The following BNC1 variants were observed in gnomAD, a reference collection of about 807,000 sequenced individuals.
The protein encoded by BNC1 is zinc finger protein basonuclin-1.
Under a neutral mutation model 66.5 loss-of-function variants are expected in BNC1, and 8 were observed. That is an observed-to-expected ratio of 0.12 (90% CI 0.07 to 0.22). The LOEUF (loss-of-function observed/expected upper bound fraction) is 0.22. BNC1 is among the 10% of genes least tolerant of loss of function. BNC1 has a pLI of 1.00. For missense variants in BNC1, 1,069 were observed against 1,241.3 expected (o/e 0.86, Z 2.09); for synonymous variants, 454 against 452.6 (o/e 1.00, Z -0.04).
chr15:83,273,165 C>T (rs763229240), intron 1 of BNC1, among the ~76,000 whole-genome samples: 21 of 152,082 alleles, frequency 1.4e-4, no homozygotes, highest in Non-Finnish European at 2.4e-4. Flanking sequence ...TAATAAAGCT[C>T]ATTAAACATC....
rs182990305 is a variant in BNC1 at position 83,271,840 on chromosome 15, A to G, written c.100-3608T>C. ...TTGCATATACACATACAAATGTATT[A>G]AATACATGAACAGTATACATCTATG... On this transcript the variant is annotated intron_variant, in intron 1 of 4. Transcript: ENST00000345382. Among the ~76,000 whole-genome samples, 407 of 152,366 alleles carry G rather than the reference A, an allele frequency of 2.7e-3. 7 individuals are homozygous for G. Among genetic ancestry groups the G allele is most frequent in the Middle Eastern group, 0.017 (5 of 294 alleles).
Position 83,266,737 on chromosome 15 carries a change from C to T in BNC1, c.435+99G>A, listed in dbSNP as rs980323781. 77 of 1,084,336 alleles carry T rather than the reference C, an allele frequency of 7.1e-5. 1 individual carries two copies. The highest frequency in any genetic ancestry group is 6.4e-4 in the South Asian group (49 of 77,046). The allele number at this position is 1,084,336 out of a possible 1,614,324, so 67.2% of individuals were successfully genotyped here. The stretch of plus-strand genomic sequence containing the variant: ...GAAGTATTAAAGGGAAAGATGGCCA[C>T]CAAGGGCTGTAGCATTGGGAGGTAA... On this transcript the variant is annotated intron_variant, in intron 3 of 4. Coordinates refer to ENST00000345382, the MANE Select transcript of BNC1 (RefSeq NM_001717.4).
intron 1 of BNC1, among the ~76,000 whole-genome samples, chr15:83,271,512 C>CA (rs1160225239): frequency 2.0e-5 from 3 of 152,102 alleles, no homozygotes; most frequent in East Asian, 1.9e-4. Flanking sequence ...CAGTATAATA[C>CA]AAAAAACTCC....
At position 83,257,869 on chromosome 15, in the gene BNC1, C is replaced by T. The variant is rs2151433694; in HGVS notation, c.2558G>A (p.Gly853Asp). 2 of 1,613,976 alleles carry T rather than the reference C, an allele frequency of 1.2e-6. No individual in the cohort carries two copies. The highest frequency in any genetic ancestry group is 1.6e-4 in the Middle Eastern group (1 of 6,062). Residue 853 changes from glycine to aspartate, a missense_variant, in exon 5 of 5, where the codon GGC becomes GAC. Gly to Asp is a moderately conservative substitution (Grantham distance 94). This residue lies in a region of BNC1 where 657 missense variants were observed against 715.8 expected (regional missense o/e 0.92). Coordinates refer to ENST00000345382, the MANE Select transcript of BNC1 (RefSeq NM_001717.4). Reference sequence around the variant, plus strand: ...GGTAGTGCTCAAATCCAGGATGGTGCCCTCGCTCAAGGGGCCAGAGTTGTA... The same window carrying T: ...GGTAGTGCTCAAATCCAGGATGGTGTCCTCGCTCAAGGGGCCAGAGTTGTA... ...ESYNSGPLSE[G>D]TILDLSTTSS... is the part of the protein sequence containing the mutation.
chr15:83,275,862 GTCTGGATTTTA>G (rs942027802), intron 1 of BNC1, among the ~76,000 whole-genome samples: 4 of 151,740 alleles, frequency 2.6e-5, no homozygotes, highest in Admixed American at 6.6e-5. Flanking sequence ...AGGTGAAGGA[GTCTGGATTTTA>G]ACAGTAAGCC....
intron 1 of BNC1, 87 bp from the exon 2 acceptor site, chr15:83,268,319 T>C: frequency 8.2e-7 from 1 of 1,224,534 alleles, no homozygotes. Flanking sequence ...TATTCCTCCA[T>C]TCGGCAGCAC....
At chr15:83,268,271 G>C in intron 1 of BNC1, 39 bp from the exon 2 acceptor site, 1 of 1,516,948 alleles carries the variant, frequency 6.6e-7, no homozygotes, top group Non-Finnish European at 9.2e-7. Flanking sequence ...GAGCATGTAA[G>C]TGATGTGTGA....
intron 1 of BNC1, among the ~76,000 whole-genome samples, chr15:83,281,916 C>T (rs2038383406): frequency 6.6e-6 from 1 of 152,198 alleles, no homozygotes. Flanking sequence ...GCAGGCCTAA[C>T]TGCTACATGG....
chr15:83,258,736 A>C (rs1274147475), intron 4 of BNC1, among the ~76,000 whole-genome samples: 1 of 152,230 alleles, frequency 6.6e-6, no homozygotes, highest in African/African-American at 2.4e-5. Context: ...CTGGGGCTGC[A>C]CTGTCCAATG....
chr15:83,283,363 G>C, intron 1 of BNC1: 1 of 1,405,756 alleles, frequency 7.1e-7, no homozygotes, highest in African/African-American at 1.5e-5. Context: ...CGGCGGCTCC[G>C]GAGGAGCAGC....
Position 83,264,005 on chromosome 15 carries a change from G to C in BNC1, c.1246C>G (p.Pro416Ala). ...SANPNPRLHM[P>A]MNRNNRDKDL... is the part of the protein sequence containing the mutation. ...TTGTCCCGGTTATTTCTGTTCATTG[G>C]CATGTGCAGCCGAGGGTTGGGGTTG... Residue 416 changes from proline (P) to alanine (A), a missense_variant, in exon 4 of 5, where the codon CCA becomes GCA. By Grantham distance (27) the Pro-to-Ala change is conservative. Coordinates refer to ENST00000345382, the MANE Select transcript of BNC1 (RefSeq NM_001717.4). 6.2e-7 allele frequency: 1 copy of C among 1,614,166 alleles called. No homozygotes were observed. The highest frequency in any genetic ancestry group is 2.2e-5 in the East Asian group (1 of 44,870).
intron 1 of BNC1, among the ~76,000 whole-genome samples, chr15:83,275,846 TGG>T (rs2038316219): frequency 6.6e-6 from 1 of 151,622 alleles, no homozygotes; most frequent in African/African-American, 2.4e-5. Context: ...TAGGACCTTG[TGG>T]GGCAGGTGAA....
At chr15:83,281,690 T>C (rs1355584710) in intron 1 of BNC1, among the ~76,000 whole-genome samples, 1 of 152,240 alleles carries the variant, frequency 6.6e-6, no homozygotes, top group Non-Finnish European at 1.5e-5. Context: ...CCCCACTCCA[T>C]AAGCTGCAGT....
intron 1 of BNC1, among the ~76,000 whole-genome samples, chr15:83,279,440 A>C (rs777795112): frequency 5.9e-5 from 9 of 152,200 alleles, no homozygotes; most frequent in Admixed American, 1.3e-4. Flanking sequence ...TGGAGAAGTC[A>C]AGGTTGTACA....
chr15:83,266,303 T>G (rs543889914), intron 3 of BNC1, among the ~76,000 whole-genome samples: 150 of 151,068 alleles, frequency 9.9e-4, no homozygotes, highest in African/African-American at 3.4e-3. Context: ...CACACACATA[T>G]AGAGAGAGAG....
At chr15:83,283,141 A>G in intron 1 of BNC1, 3 of 1,535,558 alleles carry the variant, frequency 2.0e-6, no homozygotes, top group Non-Finnish European at 2.6e-6. Flanking sequence ...TAACTGTCAG[A>G]CTCGGAGCGG....
Position 83,263,894 on chromosome 15 carries a change from G to A in BNC1, c.1357C>T (p.Pro453Ser). ...FTVTSPDCRP[P>S]PSYPGSGEDS... is the part of the protein sequence containing the mutation. Reference sequence around the variant, plus strand: ...TCTCCTGAACCAGGGTAGCTGGGAGGAGGCCTACAGTCTGGGGACGTCACT... The same window carrying A: ...TCTCCTGAACCAGGGTAGCTGGGAGAAGGCCTACAGTCTGGGGACGTCACT... The change falls in exon 4 of 5, where the codon CCT (proline) becomes TCT (serine). Residue 453 changes from proline to serine, a missense_variant. Around this residue, in one of 7 missense-constraint regions of BNC1, gnomAD observed 657 missense variants for 715.8 expected, o/e 0.92. Transcript: ENST00000345382. The A allele has an allele frequency of 6.2e-7, 1 of 1,614,226 alleles. No homozygotes were observed. The highest frequency in any genetic ancestry group is 8.5e-7 in the Non-Finnish European group (1 of 1,180,050).
In BNC1 at chr15:83,263,564, A is replaced by G. The variant is rs778889257; in HGVS notation, c.1687T>C (p.Ser563Pro). ...IANEKRHNLS[S>P]DEDMPLQVVS... is the part of the protein sequence containing the mutation. ...ACCTGTAGGGGCATGTCTTCATCTG[A>G]GCTGAGGTTGTGTCTTTTCTCATTA... is the stretch of plus-strand genomic sequence containing the variant. Residue 563 changes from serine (S) to proline (P), a missense_variant, in exon 4 of 5, where the codon TCA becomes CCA. By Grantham distance (74) the Ser-to-Pro change is moderately conservative. Coordinates refer to ENST00000345382, the MANE Select transcript of BNC1 (RefSeq NM_001717.4). 3.1e-6 allele frequency: 5 copies of G among 1,614,010 alleles called. No individual in the cohort carries two copies. The highest frequency in any genetic ancestry group is 3.4e-6 in the Non-Finnish European group (4 of 1,180,044).
chr15:83,275,387 T>C (rs1595941508), intron 1 of BNC1, among the ~76,000 whole-genome samples: 1 of 151,192 alleles, frequency 6.6e-6, no homozygotes, highest in Admixed American at 6.6e-5. Context: ...TCCCAGCTAC[T>C]TGGGAGGCTG....
Sources: allele counts gnomAD v4.1 joint callset (sites outside exome capture counted in the v4.1 genomes callset), GRCh38; gene constraint gnomAD v4.1.1; regional missense constraint gnomAD v4.1.1; transcripts MANE v1.5; gene names NCBI Gene and HGNC (gene_info 2026-07-23, HGNC 2026-07-21).